XYLB: variants seen among roughly 807,000 people sequenced by gnomAD.
The protein encoded by XYLB is xylulokinase.
A neutral mutation model predicts 78.7 loss-of-function variants in XYLB; 62 were observed. That is an observed-to-expected ratio of 0.79 (90% confidence interval 0.64 to 0.97). The LOEUF (loss-of-function observed/expected upper bound fraction) is 0.97. Ranked by LOEUF, XYLB falls within the 50% of genes least tolerant of loss-of-function variation. The pLI, the probability that XYLB is intolerant of heterozygous loss-of-function variation, is 0.00. For missense variants in XYLB, 687 were observed against 676.8 expected (o/e 1.02, Z -0.17); for synonymous variants, 245 against 247.4 (o/e 0.99, Z 0.09).
chr3:38,395,290 A>C (rs1437702312), intron 15 of XYLB, among the ~76,000 whole-genome samples: 1 of 152,202 alleles, frequency 6.6e-6, no homozygotes, highest in African/African-American at 2.4e-5. Flanking sequence ...TATTAAAGAC[A>C]GTTAAGGTGG....
At chr3:38,447,470 ATTTTTTTT>A in the XYLB span, among the ~76,000 whole-genome samples, 57,421 of 125,120 alleles carry the variant, frequency 0.46, 13,647 homozygotes, top group Non-Finnish European at 0.57. Context: ...CATCTGGCTA[ATTTTTTTT>A]TTTTTTTTTT....
intron 14 of XYLB, 40 bp from the exon 15 acceptor site, chr3:38,379,206 G>A (rs1217981533): frequency 1.9e-6 from 3 of 1,595,762 alleles, no homozygotes; most frequent in Non-Finnish European, 1.7e-6. Flanking sequence ...AATGGACAAT[G>A]AGAGTTCCTT....
intron 10 of XYLB, among the ~76,000 whole-genome samples, chr3:38,372,985 A>C (rs1706655103): frequency 6.6e-6 from 1 of 152,116 alleles, no homozygotes; most frequent in Non-Finnish European, 1.5e-5. Context: ...TGCCCTCAGG[A>C]GCTGGTCAGT....
the XYLB span, among the ~76,000 whole-genome samples, chr3:38,427,889 G>T: frequency 1.3e-5 from 2 of 152,162 alleles, no homozygotes; most frequent in South Asian, 4.1e-4. Context: ...ACCATGCCTG[G>T]TCAATGTTTT....
chr3:38,381,305 A>G (rs1707131955), intron 15 of XYLB, among the ~76,000 whole-genome samples: 1 of 152,174 alleles, frequency 6.6e-6, no homozygotes, highest in South Asian at 2.1e-4. Context: ...GTGATTTCCT[A>G]TGCCTGTCTT....
the XYLB span, among the ~76,000 whole-genome samples, chr3:38,431,489 C>T: frequency 1.3e-5 from 2 of 152,144 alleles, no homozygotes; most frequent in African/African-American, 4.8e-5. Context: ...GATCATGTCG[C>T]CTGCAAAGAG....
At chr3:38,423,353 T>A (rs577113927), downstream of XYLB, among the ~76,000 whole-genome samples, 2 of 152,348 alleles carry the variant, frequency 1.3e-5, no homozygotes, top group Admixed American at 1.3e-4. Context: ...ATTACAGGTG[T>A]GAGCCACCAT....
the XYLB span, among the ~76,000 whole-genome samples, chr3:38,430,443 T>G: frequency 2.0e-5 from 3 of 152,234 alleles, no homozygotes; most frequent in African/African-American, 7.2e-5. Context: ...TCTTTGTAGA[T>G]TCTCGATATT....
intron 3 of XYLB, among the ~76,000 whole-genome samples, chr3:38,361,795 G>A (rs818840): frequency 0.89 from 136,108 of 152,296 alleles, 61,409 homozygotes; most frequent in East Asian, 1. Context: ...GGTTTGATGG[G>A]CACAGATAGA....
the XYLB span, among the ~76,000 whole-genome samples, chr3:38,443,699 T>C: frequency 6.6e-6 from 1 of 152,176 alleles, no homozygotes; most frequent in Non-Finnish European, 1.5e-5. Flanking sequence ...CTGATATCTG[T>C]GACTGATTGG....
At chr3:38,357,843 A>G (rs557920722) in intron 2 of XYLB, among the ~76,000 whole-genome samples, 2 of 151,060 alleles carry the variant, frequency 1.3e-5, no homozygotes, top group African/African-American at 4.9e-5. Context: ...AGAAATGTCT[A>G]TTAAGATCTT....
At chr3:38,432,441 C>T in the XYLB span, among the ~76,000 whole-genome samples, 1 of 152,056 alleles carries the variant, frequency 6.6e-6, no homozygotes, top group Non-Finnish European at 1.5e-5. Context: ...GCGGTGTGTG[C>T]CTGTAATCCC....
At chr3:38,363,111 C>T (rs944961906) in intron 4 of XYLB, 94 bp downstream of exon 4, 12 of 1,066,468 alleles carry the variant, frequency 1.1e-5, no homozygotes, top group South Asian at 2.9e-5. Flanking sequence ...GGATGGGGAG[C>T]GGCTCATTCT....
intron 14 of XYLB, 23 bp from the exon 15 acceptor site, chr3:38,379,223 T>G: frequency 6.2e-7 from 1 of 1,612,792 alleles, no homozygotes; most frequent in Non-Finnish European, 8.5e-7. Flanking sequence ...CCTTACTCTG[T>G]GCCCACCTTT....
chr3:38,365,345 G>A, intron 5 of XYLB, 60 bp downstream of exon 5: 1 of 1,557,496 alleles, frequency 6.4e-7, no homozygotes, highest in East Asian at 2.2e-5. Flanking sequence ...AGTCCTGTGG[G>A]TCCTGAAGCC....
chr3:38,346,807 C>T lies in XYLB; in HGVS notation c.-62C>T. On this transcript the variant is annotated 5_prime_UTR_variant, in exon 1 of 19. Coordinates refer to ENST00000207870, the MANE Select transcript of XYLB (RefSeq NM_005108.4). ...TGCGTCTCTGGGCGCTGGAGCGCGGCGACTATCACGCCGCGTGGCGGACGG... is the reference window on the plus strand; with the variant it reads ...TGCGTCTCTGGGCGCTGGAGCGCGGTGACTATCACGCCGCGTGGCGGACGG... 2.1e-6 allele frequency: 3 copies of T among 1,439,996 alleles called. No individual in the cohort carries two copies. Among genetic ancestry groups the T allele is most frequent in the South Asian group, 1.4e-5 (1 of 73,372 alleles). 89.2% of individuals were successfully genotyped at this position (1,439,996 alleles called of 1,614,324 possible).
chr3:38,445,724 C>G, the XYLB span, among the ~76,000 whole-genome samples: 2 of 152,168 alleles, frequency 1.3e-5, no homozygotes, highest in African/African-American at 4.8e-5. Context: ...CTCCCAACTC[C>G]GAAGAGTCAG....
At chr3:38,424,138 A>G (rs1709055320), downstream of XYLB, among the ~76,000 whole-genome samples, 1 of 152,228 alleles carries the variant, frequency 6.6e-6, no homozygotes, top group Non-Finnish European at 1.5e-5. Flanking sequence ...ATAAAGCTCA[A>G]ATAAATAGAA....
At chr3:38,397,638 G>C (rs1245507564) in intron 17 of XYLB, among the ~76,000 whole-genome samples, 1 of 152,038 alleles carries the variant, frequency 6.6e-6, no homozygotes, top group Non-Finnish European at 1.5e-5. Flanking sequence ...GGGTATTAAG[G>C]GAAGCTCCCC....
Sources: allele counts gnomAD v4.1 joint callset (sites outside exome capture counted in the v4.1 genomes callset), GRCh38; gene constraint gnomAD v4.1.1; transcripts MANE v1.5; gene names NCBI Gene and HGNC (gene_info 2026-07-23, HGNC 2026-07-21).